Variants in LRRC8B observed in about 807,000 individuals in gnomAD.
LRRC8B encodes volume-regulated anion channel subunit LRRC8B.
Under a neutral mutation model 58.8 loss-of-function variants are expected in LRRC8B, and 23 were observed. The observed-to-expected ratio is 0.39, with a 90% confidence interval of 0.28 to 0.55. The LOEUF is 0.55. Ranked by LOEUF, LRRC8B falls within the 20% of genes least tolerant of loss-of-function variation. The pLI, the probability that LRRC8B is intolerant of heterozygous loss-of-function variation, is 0.62. For synonymous variants in LRRC8B, 359 were observed against 374.1 expected, an observed-to-expected ratio of 0.96 and a Z score of 0.47; for missense variants, 694 against 936.0, an observed-to-expected ratio of 0.74 and a Z score of 3.37.
chr1:89,560,544 A>T (rs1410935985), intron 1 of LRRC8B, among the ~76,000 whole-genome samples: 1 of 69,558 alleles, frequency 1.4e-5, no homozygotes, highest in African/African-American at 5.6e-5. Flanking sequence ...CCCTTCCCCC[A>T]CCCCACCACA....
At chr1:89,526,022 A>G (rs757296783) in intron 1 of LRRC8B, among the ~76,000 whole-genome samples, 22 of 152,236 alleles carry the variant, frequency 1.4e-4, no homozygotes, top group African/African-American at 5.3e-4. Flanking sequence ...TGCAAATGAT[A>G]TAGTAGTCTT....
intron 5 of LRRC8B, among the ~76,000 whole-genome samples, chr1:89,589,394 G>A (rs1182579713): frequency 2.0e-5 from 3 of 152,182 alleles, no homozygotes; most frequent in Non-Finnish European, 4.4e-5. Context: ...TGGGAGAAAT[G>A]GAGGCAAGAT....
intron 5 of LRRC8B, among the ~76,000 whole-genome samples, chr1:89,585,014 A>G (rs1196042557): frequency 6.6e-6 from 1 of 152,254 alleles, no homozygotes; most frequent in Non-Finnish European, 1.5e-5. Context: ...TTCCTGGCAC[A>G]TAATAGTTGC....
At chr1:89,562,281 T>C (rs1652729927) in intron 1 of LRRC8B, among the ~76,000 whole-genome samples, 1 of 152,028 alleles carries the variant, frequency 6.6e-6, no homozygotes, top group South Asian at 2.1e-4. Flanking sequence ...TGCCTTCTGG[T>C]GGATTGACCT....
intron 1 of LRRC8B, among the ~76,000 whole-genome samples, chr1:89,547,697 C>T (rs996348212): frequency 6.6e-6 from 1 of 151,636 alleles, no homozygotes; most frequent in South Asian, 2.1e-4. Flanking sequence ...ATCTGTTTCT[C>T]ATTAAATAAA....
At chr1:89,567,008 C>T (rs1250521676) in intron 1 of LRRC8B, among the ~76,000 whole-genome samples, 1 of 152,128 alleles carries the variant, frequency 6.6e-6, no homozygotes, top group African/African-American at 2.4e-5. Context: ...TGTCCTTCCT[C>T]TGGAGAGAGA....
Position 89,594,765 on chromosome 1 carries a change from T to C in LRRC8B, c.*1722T>C, listed in dbSNP as rs1655202147. The C allele has an allele frequency of 6.6e-6, 1 of 152,170 alleles. No individual in the cohort carries two copies. The highest frequency in any genetic ancestry group is 1.5e-5 in the Non-Finnish European group (1 of 68,000). The allele number at this position is 152,170 out of a possible 1,614,324, so 9.4% of individuals were successfully genotyped here. ...AATCAACTGACTCATTTTTGGGAAA[T>C]GTACATCTTTAATATGTTTTTCCCT... On this transcript the variant is annotated 3_prime_UTR_variant, in exon 6 of 6. Transcript: ENST00000330947.
chr1:89,573,504 A>G (rs1318904022), intron 3 of LRRC8B, among the ~76,000 whole-genome samples: 1 of 152,072 alleles, frequency 6.6e-6, no homozygotes, highest in Non-Finnish European at 1.5e-5. Flanking sequence ...TATTCATCAA[A>G]TTGTTTCCCA....
chr1:89,540,752 G>A (rs1650902361), intron 1 of LRRC8B, among the ~76,000 whole-genome samples: 1 of 152,218 alleles, frequency 6.6e-6, no homozygotes, highest in Non-Finnish European at 1.5e-5. Context: ...TGTGGAGGGT[G>A]TGCTGAAGAT....
chr1:89,589,874 TG>T (rs2101098009), intron 5 of LRRC8B, among the ~76,000 whole-genome samples: 1 of 151,934 alleles, frequency 6.6e-6, no homozygotes, highest in East Asian at 1.9e-4. Context: ...CAGCCATAGA[TG>T]TAAAAGAAAA....
chr1:89,565,562 G>T (rs1307806142), intron 1 of LRRC8B, among the ~76,000 whole-genome samples: 2 of 152,194 alleles, frequency 1.3e-5, no homozygotes, highest in Non-Finnish European at 2.9e-5. Flanking sequence ...AATGCCTGAG[G>T]CTCTGTCGCT....
Position 89,571,318 on chromosome 1 carries a change from T to C in LRRC8B, c.-125+2825T>C, listed in dbSNP as rs116379621. 9.0e-4 allele frequency among the ~76,000 whole-genome samples: 137 copies of C among 152,378 alleles called. 1 individual carries two copies. The highest frequency in any genetic ancestry group is 3.3e-3 in the African/African-American group (136 of 41,600). The stretch of plus-strand genomic sequence containing the variant: ...ATATTGCTTTGAGCAATATGGACAT[T>C]TTTAATGATACAGATTCTTCTTATC... On this transcript the variant is annotated intron_variant, in intron 3 of 5. Coordinates refer to ENST00000330947, the MANE Select transcript of LRRC8B (RefSeq NM_001369817.2).
intron 5 of LRRC8B, among the ~76,000 whole-genome samples, chr1:89,587,254 T>C (rs1654688290): frequency 6.6e-6 from 1 of 152,216 alleles, no homozygotes; most frequent in African/African-American, 2.4e-5. Context: ...ATTTAACTAA[T>C]TTTAAGATTA....
Position 89,587,280 on chromosome 1 carries a change from G to A in LRRC8B, c.2139+2491G>A, listed in dbSNP as rs12072839. Among the ~76,000 whole-genome samples, 86 of 152,300 alleles carry A rather than the reference G, an allele frequency of 5.6e-4. 1 individual carries two copies. The highest frequency in any genetic ancestry group is 1.7e-3 in the African/African-American group (70 of 41,552). The stretch of plus-strand genomic sequence containing the variant: ...TTTAAGATTATTTACAACCTTCAGA[G>A]TCTCATGATTCTGAGTTAGATCAAA... On this transcript the variant is annotated intron_variant, in intron 5 of 5. Transcript: ENST00000330947.
At chr1:89,592,172 C>T (rs928714308) in intron 5 of LRRC8B, among the ~76,000 whole-genome samples, 12 of 152,044 alleles carry the variant, frequency 7.9e-5, no homozygotes, top group African/African-American at 2.2e-4. Flanking sequence ...TTAGTTGAAA[C>T]CATGCCAGAG....
intron 1 of LRRC8B, among the ~76,000 whole-genome samples, chr1:89,566,741 A>G (rs1653069281): frequency 6.6e-6 from 1 of 152,260 alleles, no homozygotes; most frequent in African/African-American, 2.4e-5. Flanking sequence ...AAACAAGAAC[A>G]TCAAGAGTAA....
At chr1:89,530,685 A>T (rs992018632) in intron 1 of LRRC8B, among the ~76,000 whole-genome samples, 3 of 152,142 alleles carry the variant, frequency 2.0e-5, no homozygotes, top group Non-Finnish European at 4.4e-5. Context: ...TGACCACAGG[A>T]TGGGAAGTAT....
intron 1 of LRRC8B, among the ~76,000 whole-genome samples, chr1:89,525,998 A>G (rs1649665945): frequency 6.6e-6 from 1 of 152,236 alleles, no homozygotes; most frequent in Non-Finnish European, 1.5e-5. Flanking sequence ...ATTTTTATTA[A>G]AAGACAACCT....
intron 1 of LRRC8B, 86 bp downstream of exon 1, chr1:89,525,108 C>CAGCAGGTGGGGCTGGCCG (rs1469142950): frequency 2.6e-5 from 4 of 152,524 alleles, no homozygotes; most frequent in Non-Finnish European, 4.4e-5. Context: ...TACGGGGACG[C>CAGCAGGTGGGGCTGGCCG]AGCAGGTGGG....
Sources: gnomAD v4.1 joint callset for allele counts (sites outside exome capture counted in the v4.1 genomes callset) on GRCh38, gnomAD v4.1.1 for gene constraint, MANE v1.5 for transcripts, NCBI Gene and HGNC (gene_info 2026-07-23, HGNC 2026-07-21) for gene names.